RCBTB2: variants seen among roughly 807,000 people sequenced by gnomAD.
RCBTB2 encodes the protein RCC1 and BTB domain containing protein 2.
RCBTB2 carries 55 observed loss-of-function variants against 65.4 expected under a neutral mutation model. That is an observed-to-expected ratio of 0.84 (90% confidence interval 0.68 to 1.05). The LOEUF (loss-of-function observed/expected upper bound fraction) is 1.05. Among genes scored for constraint, RCBTB2 ranks in the 50% least tolerant of loss-of-function variants. RCBTB2 has a pLI of 0.00. For missense variants in RCBTB2, 599 were observed against 680.1 expected, an observed-to-expected ratio of 0.88 and a Z score of 1.33; for synonymous variants, 220 against 255.2, an observed-to-expected ratio of 0.86 and a Z score of 1.31.
At chr13:48,527,093 A>G (rs754309549) in intron 1 of RCBTB2, among the ~76,000 whole-genome samples, 5 of 151,686 alleles carry the variant, frequency 3.3e-5, no homozygotes, top group Non-Finnish European at 7.4e-5. Context: ...AAATCTGCTT[A>G]CAAATGTCCC....
intron 3 of RCBTB2, 39 bp downstream of exon 3, chr13:48,522,269 G>C (rs1164416570): frequency 7.8e-7 from 1 of 1,277,452 alleles, no homozygotes. Context: ...TTTCATTTCA[G>C]AGTTGACTTC....
chr13:48,508,104 A>AC (rs1465398294), intron 10 of RCBTB2, among the ~76,000 whole-genome samples: 1 of 152,142 alleles, frequency 6.6e-6, no homozygotes, highest in African/African-American at 2.4e-5. Flanking sequence ...AAGAACTGAA[A>AC]CCCACCCCAC....
In RCBTB2 at chr13:48,515,578, A is replaced by C; in HGVS notation, c.198+8T>G. 6.3e-7 allele frequency: 1 copy of C among 1,582,564 alleles called. No homozygotes were observed. The highest frequency in any genetic ancestry group is 8.6e-7 in the Non-Finnish European group (1 of 1,168,088). On this transcript the variant is annotated splice_region_variant and intron_variant, in intron 5 of 14. Coordinates refer to ENST00000344532, the MANE Select transcript of RCBTB2 (RefSeq NM_001268.4). The stretch of plus-strand genomic sequence containing the variant: ...TGTGAGTAGCTGATTTATTTTCTTC[A>C]AAATTACCTCATCATTTACTGTAGT...
intron 1 of RCBTB2, among the ~76,000 whole-genome samples, chr13:48,529,843 C>T (rs1952007753): frequency 1.3e-5 from 2 of 152,146 alleles, no homozygotes; most frequent in Non-Finnish European, 2.9e-5. Context: ...CCCAATAATT[C>T]CTGGTCTCCA....
At chr13:48,505,904 G>A (rs1950478807) in intron 10 of RCBTB2, among the ~76,000 whole-genome samples, 1 of 152,200 alleles carries the variant, frequency 6.6e-6, no homozygotes, top group Non-Finnish European at 1.5e-5. Context: ...ACCAGCTGCT[G>A]CAGAACTGTG....
intron 1 of RCBTB2, among the ~76,000 whole-genome samples, chr13:48,531,616 G>C (rs1952126983): frequency 6.6e-6 from 1 of 152,228 alleles, no homozygotes; most frequent in South Asian, 2.1e-4. Context: ...AGCCCAGCAA[G>C]AGCAATAAGG....
chr13:48,499,429 T>A (rs1342608333), intron 13 of RCBTB2, among the ~76,000 whole-genome samples, 192 bp downstream of exon 13: 1 of 152,196 alleles, frequency 6.6e-6, no homozygotes, highest in Non-Finnish European at 1.5e-5. Flanking sequence ...ATGATTTGAT[T>A]CTTCTCTCTC....
intron 5 of RCBTB2, 57 bp downstream of exon 5, chr13:48,515,529 A>G: frequency 6.7e-7 from 1 of 1,492,036 alleles, no homozygotes; most frequent in Non-Finnish European, 9.1e-7. Context: ...AAGATCTTCA[A>G]TTTGGCAAAT....
intron 1 of RCBTB2, among the ~76,000 whole-genome samples, chr13:48,527,324 T>TATATATATC (rs1393437306): frequency 1.6e-5 from 2 of 126,592 alleles, no homozygotes; most frequent in East Asian, 4.5e-4. Context: ...TTGGCTCATA[T>TATATATATC]ATATATATAT....
rs112897217 is a variant in RCBTB2, at chr13:48,526,553, T to G, written c.-218-1796A>C. Among the ~76,000 whole-genome samples, 601 of 151,814 alleles carry G rather than the reference T, an allele frequency of 4.0e-3. 2 individuals carry two copies. The highest frequency in any genetic ancestry group is 0.017 in the Middle Eastern group (5 of 294). On this transcript the variant is annotated intron_variant, in intron 1 of 14. Transcript: ENST00000344532. ...CTCAAAAAATAAAAAATAAATAATT[T>G]TTTTAATGAGCTATGATCGCACCAC...
chr13:48,490,113 A>C lies in RCBTB2; in HGVS notation c.1654T>G (p.Ter552GlyextTer8). ...CAAAAACTTTCCTGCAGATGGGATC[A>C]ATTTTTAAAGGCTCCAACTCTGCTT... The part of the protein sequence containing the change: ...KASRVGAFKN[*>G] Residue 552 changes from the stop codon to glycine (G), a stop_lost, in exon 15 of 15, where the codon TGA becomes GGA. Transcript: ENST00000344532. 6.2e-7 allele frequency: 1 copy of C among 1,613,994 alleles called. No individual in the cohort carries two copies. Among genetic ancestry groups the C allele is most frequent in the Non-Finnish European group, 8.5e-7 (1 of 1,179,934 alleles).
At chr13:48,523,397 G>A (rs1019698823) in intron 2 of RCBTB2, among the ~76,000 whole-genome samples, 8 of 152,136 alleles carry the variant, frequency 5.3e-5, no homozygotes, top group African/African-American at 1.9e-4. Context: ...ATTCTTGTAT[G>A]ATGTACCTTC....
At chr13:48,501,972 C>G in intron 11 of RCBTB2, 104 bp from the exon 12 acceptor site, 4 of 896,938 alleles carry the variant, frequency 4.5e-6, no homozygotes, top group Non-Finnish European at 6.4e-6. Context: ...GTACCAATTC[C>G]TCAAAATAAC....
intron 14 of RCBTB2, among the ~76,000 whole-genome samples, chr13:48,495,279 C>T (rs9316382): frequency 0.45 from 68,126 of 151,938 alleles, 19,969 homozygotes; most frequent in African/African-American, 0.85. Flanking sequence ...ATAAAAATCA[C>T]CCACAATCCC....
At chr13:48,509,007 G>T (rs1950645142) in intron 10 of RCBTB2, among the ~76,000 whole-genome samples, 1 of 152,148 alleles carries the variant, frequency 6.6e-6, no homozygotes, top group Non-Finnish European at 1.5e-5. Flanking sequence ...ATGTGCTAAA[G>T]TTCTGGGTAA....
At chr13:48,505,387 T>C (rs1461736011) in intron 10 of RCBTB2, among the ~76,000 whole-genome samples, 1 of 152,236 alleles carries the variant, frequency 6.6e-6, no homozygotes, top group Non-Finnish European at 1.5e-5. Context: ...TTAGTACGAC[T>C]TTCCCTAGAA....
chr13:48,527,746 T>A (rs1429307313), intron 1 of RCBTB2, among the ~76,000 whole-genome samples: 1 of 152,220 alleles, frequency 6.6e-6, no homozygotes, highest in East Asian at 1.9e-4. Flanking sequence ...TATCCCTGTT[T>A]GGGGCAGATA....
intron 9 of RCBTB2, 23 bp from the exon 10 acceptor site, chr13:48,510,794 A>T (rs1447327992): frequency 6.3e-7 from 1 of 1,596,430 alleles, no homozygotes; most frequent in Admixed American, 1.7e-5. Context: ...AAATCCACTC[A>T]GGACTGCAAA....
intron 14 of RCBTB2, among the ~76,000 whole-genome samples, chr13:48,495,949 G>A (rs954953518): frequency 6.6e-6 from 1 of 151,598 alleles, no homozygotes; most frequent in African/African-American, 2.4e-5. Context: ...ATTTTTAAGT[G>A]GATAAAAGTT....
Sources: allele counts gnomAD v4.1 joint callset (sites outside exome capture counted in the v4.1 genomes callset), GRCh38; gene constraint gnomAD v4.1.1; transcripts MANE v1.5; gene names NCBI Gene and HGNC (gene_info 2026-07-23, HGNC 2026-07-21).